Variants in CSMD1 observed in about 807,000 individuals in gnomAD.
The protein encoded by CSMD1 is CUB and sushi domain-containing protein 1.
CSMD1 carries 213 observed loss-of-function variants against 417.5 expected under a neutral mutation model. That is an observed-to-expected ratio of 0.51 (90% CI 0.46 to 0.57). CSMD1 has a LOEUF of 0.57. Ranked by LOEUF, CSMD1 falls within the 20% of genes least tolerant of loss-of-function variation. The pLI is 0.00. For synonymous variants in CSMD1, 2,862 were observed against 1,736.8 expected (o/e 1.65, Z -16.11); for missense variants, 6,923 against 4,529.7 (o/e 1.53, Z -15.17).
At chr8:4,600,678 T>C (rs1800532574) in intron 2 of CSMD1, among the ~76,000 whole-genome samples, 1 of 152,134 alleles carries the variant, frequency 6.6e-6, no homozygotes, top group Non-Finnish European at 1.5e-5. Context: ...CAAAATTATT[T>C]CACAAAAATA....
intron 3 of CSMD1, among the ~76,000 whole-genome samples, chr8:4,392,844 T>C (rs1233810212): frequency 6.6e-6 from 1 of 151,828 alleles, no homozygotes; most frequent in Non-Finnish European, 1.5e-5. Context: ...GGCAGGCACC[T>C]GTAATCCCAG....
chr8:4,085,040 A>C (rs111818154), intron 3 of CSMD1, among the ~76,000 whole-genome samples: 1 of 152,196 alleles, frequency 6.6e-6, no homozygotes, highest in Non-Finnish European at 1.5e-5. Flanking sequence ...CACAAATTCT[A>C]AAGTTCATAA....
chr8:3,437,073 C>T (rs750562770), intron 12 of CSMD1, among the ~76,000 whole-genome samples: 1 of 152,156 alleles, frequency 6.6e-6, no homozygotes, highest in African/African-American at 2.4e-5. Context: ...GGTTCTCATG[C>T]ATCGAAAAAC....
chr8:4,425,150 C>A (rs1797474982), intron 2 of CSMD1, among the ~76,000 whole-genome samples: 2 of 151,818 alleles, frequency 1.3e-5, no homozygotes, highest in South Asian at 4.2e-4. Flanking sequence ...ATTTCATGTC[C>A]CTTTAAATTA....
At chr8:3,033,549 CGA>C (rs1405742284) in intron 50 of CSMD1, among the ~76,000 whole-genome samples, 2 of 151,856 alleles carry the variant, frequency 1.3e-5, no homozygotes, top group African/African-American at 4.8e-5. Context: ...AGTTGAACAA[CGA>C]GAACACATGG....
At chr8:3,018,434 G>A (rs371576214) in intron 52 of CSMD1, 43 bp downstream of exon 52, 6 of 1,579,522 alleles carry the variant, frequency 3.8e-6, no homozygotes, top group Non-Finnish European at 5.2e-6. Context: ...TATTTCTAAG[G>A]TTTATCTGCA....
intron 7 of CSMD1, among the ~76,000 whole-genome samples, chr8:3,675,531 G>T (rs777332230): frequency 6.6e-6 from 1 of 152,070 alleles, no homozygotes; most frequent in Non-Finnish European, 1.5e-5. Context: ...CCAATGAGAT[G>T]GTGTTTGGAA....
At chr8:3,769,497 A>G (rs1312696790) in intron 5 of CSMD1, among the ~76,000 whole-genome samples, 1 of 129,624 alleles carries the variant, frequency 7.7e-6, no homozygotes, top group Non-Finnish European at 1.8e-5. Context: ...ATAGAGGATA[A>G]AAAAATAAGA....
chr8:3,252,208 T>C (rs1417821631), intron 26 of CSMD1, among the ~76,000 whole-genome samples: 1 of 152,232 alleles, frequency 6.6e-6, no homozygotes, highest in Non-Finnish European at 1.5e-5. Context: ...TTGTCATAGA[T>C]AGCTCTTATT....
At chr8:3,318,157 TTATA>T (rs1390771834) in intron 23 of CSMD1, among the ~76,000 whole-genome samples, 1 of 152,230 alleles carries the variant, frequency 6.6e-6, no homozygotes, top group African/African-American at 2.4e-5. Flanking sequence ...AGCTAGTAAA[TTATA>T]TATAGTACCT....
intron 3 of CSMD1, among the ~76,000 whole-genome samples, chr8:4,414,480 T>C (rs537142275): frequency 6.6e-6 from 1 of 152,318 alleles, no homozygotes; most frequent in Admixed American, 6.5e-5. Context: ...GGATTAAATT[T>C]CATATCCTAT....
chr8:3,737,890 T>C (rs1326582325), intron 6 of CSMD1, among the ~76,000 whole-genome samples: 1 of 152,218 alleles, frequency 6.6e-6, no homozygotes, highest in East Asian at 1.9e-4. Flanking sequence ...CCAGTGAGAA[T>C]TCCCTCAAAC....
chr8:3,857,866 G>T (rs1804423489), intron 5 of CSMD1, among the ~76,000 whole-genome samples: 2 of 152,238 alleles, frequency 1.3e-5, no homozygotes, highest in South Asian at 4.1e-4. Flanking sequence ...CTGAGTGAGA[G>T]ATTACGTGAT....
chr8:3,172,186 C>G (rs1431715678), intron 37 of CSMD1, among the ~76,000 whole-genome samples: 1 of 152,128 alleles, frequency 6.6e-6, no homozygotes, highest in Non-Finnish European at 1.5e-5. Flanking sequence ...CTTTTTCAAC[C>G]TTCTTTCCTT....
At chr8:4,210,408 C>G (rs541364704) in intron 3 of CSMD1, among the ~76,000 whole-genome samples, 2 of 152,114 alleles carry the variant, frequency 1.3e-5, no homozygotes, top group Non-Finnish European at 2.9e-5. Context: ...ATAGTGGAAA[C>G]TGGTGGGTTA....
At chr8:3,910,447 T>C (rs1207190604) in intron 5 of CSMD1, among the ~76,000 whole-genome samples, 1 of 152,158 alleles carries the variant, frequency 6.6e-6, no homozygotes, top group Non-Finnish European at 1.5e-5. Flanking sequence ...TCACGAAATT[T>C]AAGTGTTCAG....
intron 1 of CSMD1, among the ~76,000 whole-genome samples, chr8:4,937,510 G>A (rs10095007): frequency 6.6e-6 from 1 of 151,946 alleles, no homozygotes; most frequent in African/African-American, 2.4e-5. Flanking sequence ...GCACAGAATG[G>A]TGACAAAAAA....
At chr8:4,207,546 A>G (rs1384387314) in intron 3 of CSMD1, among the ~76,000 whole-genome samples, 1 of 152,166 alleles carries the variant, frequency 6.6e-6, no homozygotes, top group Non-Finnish European at 1.5e-5. Context: ...ATGTCCATCA[A>G]TAGAAAATAA....
intron 26 of CSMD1, among the ~76,000 whole-genome samples, chr8:3,235,771 C>T (rs1252065173): frequency 6.6e-6 from 1 of 151,928 alleles, no homozygotes; most frequent in East Asian, 1.9e-4. Context: ...GTTCTCAACC[C>T]AATTTTTATT....
Sources: gnomAD v4.1 joint callset for allele counts (sites outside exome capture counted in the v4.1 genomes callset) on GRCh38, gnomAD v4.1.1 for gene constraint, MANE v1.5 for transcripts, NCBI Gene and HGNC (gene_info 2026-07-23, HGNC 2026-07-21) for gene names.